FGF14: variants seen among roughly 807,000 people sequenced by gnomAD.
The protein encoded by FGF14 is fibroblast growth factor 14, also known as fibroblast growth factor homologous factor 4.
In FGF14, 5 loss-of-function variants were observed where a neutral mutation model predicts 25.5. That is an observed-to-expected ratio of 0.20 (90% CI 0.10 to 0.41). FGF14 has a LOEUF of 0.41. Ranked by LOEUF, FGF14 falls within the 10% of genes least tolerant of loss-of-function variation. The pLI is 1.00. For missense variants in FGF14, 222 were observed against 320.1 expected, an observed-to-expected ratio of 0.69 and a Z score of 2.34; for synonymous variants, 138 against 118.3, an observed-to-expected ratio of 1.17 and a Z score of -1.08.
chr13:102,241,465 T>G lies in FGF14; in HGVS notation c.208+160006A>C, dbSNP rs1390729196. The stretch of plus-strand genomic sequence containing the variant: ...TGTTCTTTCCCCATCGTAAAAAGAC[T>G]CTTTAGAAGAAACAGCAATAAAGTT... On this transcript the variant is annotated intron_variant, in intron 1 of 4. Transcript: ENST00000376131. Among the ~76,000 whole-genome samples the G allele has an allele frequency of 3.3e-5, 5 of 152,212 alleles. No individual in the cohort carries two copies. The East Asian group carries it at 9.7e-4, about 29-fold the overall frequency.
chr13:101,959,540 C>A (rs563193181), intron 1 of FGF14, among the ~76,000 whole-genome samples: 1 of 152,256 alleles, frequency 6.6e-6, no homozygotes, highest in African/African-American at 2.4e-5. Flanking sequence ...CCTCAACATG[C>A]ACTGTATTTT....
intron 1 of FGF14, among the ~76,000 whole-genome samples, chr13:101,947,758 C>G (rs537699266): frequency 7.2e-5 from 11 of 152,228 alleles, no homozygotes; most frequent in Admixed American, 7.2e-4. Flanking sequence ...GTGACAGGAT[C>G]CATACCCCAA....
rs1230956847 is a variant in FGF14 at position 102,304,817 on chromosome 13, C to G, written c.208+96654G>C. ...TGGCACCATCTTAGAAGAGGGTGCT[C>G]CAGCTTCAGTCAACCTTCAGGTGAC... On this transcript the variant is annotated intron_variant, in intron 1 of 4. Coordinates refer to the FGF14 transcript ENST00000376131. Among the ~76,000 whole-genome samples the G allele has an allele frequency of 4.6e-5, 7 of 152,254 alleles. No homozygotes were observed. The East Asian group carries it at 1.4e-3, about 30-fold the overall frequency.
chr13:101,736,091 A>G (rs1044352244), intron 3 of FGF14, among the ~76,000 whole-genome samples: 20 of 152,188 alleles, frequency 1.3e-4, no homozygotes, highest in African/African-American at 4.6e-4. Flanking sequence ...TCAAAGCCAG[A>G]TGGTCAGTTT....
At chr13:102,382,313 G>A (rs1400458508) in intron 1 of FGF14, among the ~76,000 whole-genome samples, 2 of 151,974 alleles carry the variant, frequency 1.3e-5, no homozygotes, top group African/African-American at 2.4e-5. Flanking sequence ...ATTAAAAATG[G>A]GCAAATAATT....
At chr13:101,903,003 T>C (rs2031763275) in intron 1 of FGF14, among the ~76,000 whole-genome samples, 1 of 152,230 alleles carries the variant, frequency 6.6e-6, no homozygotes, top group South Asian at 2.1e-4. Flanking sequence ...CTCAGTTTTC[T>C]AGTTCATCCA....
At chr13:102,020,236 G>T (rs1212861999) in intron 1 of FGF14, among the ~76,000 whole-genome samples, 4 of 151,890 alleles carry the variant, frequency 2.6e-5, no homozygotes, top group African/African-American at 4.8e-5. Context: ...AGTGAAAAGA[G>T]GAGACCTAGG....
At chr13:101,744,703 A>G (rs1431439842) in intron 3 of FGF14, among the ~76,000 whole-genome samples, 1 of 152,124 alleles carries the variant, frequency 6.6e-6, no homozygotes, top group Non-Finnish European at 1.5e-5. Context: ...TTCCCATTGT[A>G]TACTTGTAAG....
intron 1 of FGF14, among the ~76,000 whole-genome samples, chr13:102,238,451 T>G (rs961865045): frequency 1.3e-5 from 2 of 152,246 alleles, no homozygotes; most frequent in African/African-American, 4.8e-5. Flanking sequence ...TTCATCAGCA[T>G]GCTTGACACT....
chr13:102,112,065 T>G (rs533720795), intron 1 of FGF14, among the ~76,000 whole-genome samples: 41 of 151,844 alleles, frequency 2.7e-4, no homozygotes, highest in African/African-American at 1.0e-3. Context: ...TTAATAATTA[T>G]TATTAGCATT....
chr13:101,724,166 A>G (rs2035197345), intron 4 of FGF14, among the ~76,000 whole-genome samples: 1 of 152,130 alleles, frequency 6.6e-6, no homozygotes, highest in South Asian at 2.1e-4. Context: ...AGACAAAAGC[A>G]TGAAGCATTG....
At chr13:102,078,862 G>C (rs940910810) in intron 1 of FGF14, among the ~76,000 whole-genome samples, 6 of 152,220 alleles carry the variant, frequency 3.9e-5, no homozygotes, top group African/African-American at 1.4e-4. Context: ...TTTAGAAAGA[G>C]TTCTACATTC....
intron 1 of FGF14, among the ~76,000 whole-genome samples, chr13:102,360,641 C>CA (rs1221924723): frequency 6.6e-6 from 1 of 152,144 alleles, no homozygotes; most frequent in Non-Finnish European, 1.5e-5. Context: ...AATACCTCCA[C>CA]AGTAAGTTGA....
intron 1 of FGF14, among the ~76,000 whole-genome samples, chr13:102,000,896 G>C (rs1831799403): frequency 6.6e-5 from 10 of 152,216 alleles, no homozygotes; most frequent in Admixed American, 6.5e-4. Context: ...TTCAGCTGGA[G>C]ATGAGATGGA....
chr13:102,195,579 GAAAC>G (rs141029822), intron 1 of FGF14, among the ~76,000 whole-genome samples: 28,727 of 151,400 alleles, frequency 0.19, 3,254 homozygotes, highest in Admixed American at 0.27. Flanking sequence ...GAAAAAGAGA[GAAAC>G]AAACAAACAA....
chr13:101,894,350 T>C (rs749509175), intron 1 of FGF14, among the ~76,000 whole-genome samples: 1 of 152,172 alleles, frequency 6.6e-6, no homozygotes, highest in Non-Finnish European at 1.5e-5. Context: ...GTGCTTCTAA[T>C]TGAAGAAACA....
exon 1 of FGF14, chr13:102,401,660 G>A: frequency 6.2e-7 from 1 of 1,614,000 alleles, no homozygotes; most frequent in Non-Finnish European, 8.5e-7. Context: ...CTCCTGAAGA[G>A]GGGCACCGGT....
intron 1 of FGF14, among the ~76,000 whole-genome samples, chr13:101,942,333 C>T (rs1287191298): frequency 1.3e-5 from 2 of 151,894 alleles, no homozygotes; most frequent in Admixed American, 1.3e-4. Flanking sequence ...AGAGCAGAAG[C>T]CTGTAACATA....
At chr13:101,792,475 GAAC>G in intron 3 of FGF14, among the ~76,000 whole-genome samples, 1 of 152,100 alleles carries the variant, frequency 6.6e-6, no homozygotes, top group African/African-American at 2.4e-5. Flanking sequence ...TGAAAACTCT[GAAC>G]AACACAGTGA....
Sources: allele counts gnomAD v4.1 joint callset (sites outside exome capture counted in the v4.1 genomes callset), GRCh38; gene constraint gnomAD v4.1.1; transcripts MANE v1.5; gene names NCBI Gene and HGNC (gene_info 2026-07-23, HGNC 2026-07-21).